The following SSBP3 variants were observed in gnomAD, a reference collection of about 807,000 sequenced individuals.
The protein encoded by SSBP3 is single-stranded DNA-binding protein 3.
Under a neutral mutation model 69.6 loss-of-function variants are expected in SSBP3, and 5 were observed. The observed-to-expected ratio is 0.07, with a 90% confidence interval of 0.04 to 0.15. The LOEUF is 0.15. Among genes scored for constraint, SSBP3 ranks in the 10% least tolerant of loss-of-function variants. SSBP3 has a pLI of 1.00. For missense variants in SSBP3, 312 were observed against 534.0 expected (o/e 0.58, Z 4.10); for synonymous variants, 196 against 193.4 (o/e 1.01, Z -0.11).
At chr1:54,314,216 G>T (rs565513150) in intron 4 of SSBP3, among the ~76,000 whole-genome samples, 1 of 152,338 alleles carries the variant, frequency 6.6e-6, no homozygotes, top group South Asian at 2.1e-4. Context: ...GGGGAGACAG[G>T]ATTACCTGAT....
intron 4 of SSBP3, among the ~76,000 whole-genome samples, chr1:54,293,437 GCCACC>G (rs1645644408): frequency 6.6e-6 from 1 of 152,152 alleles, no homozygotes; most frequent in African/African-American, 2.4e-5. Context: ...CCCTACTCAT[GCCACC>G]CATCGATATG....
chr1:54,346,747 G>A lies in SSBP3; in HGVS notation c.276+55114C>T, dbSNP rs571785451. 4.0e-4 allele frequency among the ~76,000 whole-genome samples: 60 copies of A among 151,558 alleles called. No homozygotes were observed. In the Middle Eastern group the frequency reaches 0.021, roughly 52 times the overall value. On this transcript the variant is annotated intron_variant, in intron 4 of 17. Transcript: ENST00000610401. Reference sequence around the variant, plus strand: ...GGAGAATGGCGTGAACCCGGGAGGCGGAGCTTGCAGTGAGCCGAGATTGCA... The same window carrying A: ...GGAGAATGGCGTGAACCCGGGAGGCAGAGCTTGCAGTGAGCCGAGATTGCA...
intron 4 of SSBP3, among the ~76,000 whole-genome samples, chr1:54,288,513 G>C (rs549059332): frequency 6.6e-6 from 1 of 150,864 alleles, no homozygotes; most frequent in African/African-American, 2.4e-5. Context: ...TGCCACCTGG[G>C]TATGACCCTG....
chr1:54,231,208 CATT>C (rs1167648261), intron 14 of SSBP3, among the ~76,000 whole-genome samples: 4 of 152,218 alleles, frequency 2.6e-5, no homozygotes, highest in African/African-American at 7.2e-5. Flanking sequence ...CAACACCAGT[CATT>C]ATCTTTTTTA....
rs374733760 is a variant in SSBP3 at position 54,242,257 on chromosome 1, A to T, written c.717-45T>A. 8 of 1,611,092 alleles carry T rather than the reference A, an allele frequency of 5.0e-6. No individual in the cohort carries two copies. In the African/African-American group the frequency reaches 9.3e-5, roughly 19 times the overall value. ...ATGTGGACAATGAAAAAGGCGCTGT[A>T]AACTCCAAGCGGTGGAGGCAGCAGG... On this transcript the variant is annotated intron_variant, in intron 10 of 17. Coordinates refer to ENST00000610401, the Ensembl canonical transcript of SSBP3.
At chr1:54,398,678 T>C (rs1486615165) in intron 4 of SSBP3, among the ~76,000 whole-genome samples, 3 of 152,224 alleles carry the variant, frequency 2.0e-5, no homozygotes, top group Non-Finnish European at 4.4e-5. Flanking sequence ...TGCTCTGGCC[T>C]GAGGGTAACA....
At chr1:54,366,139 C>T (rs1421110409) in intron 4 of SSBP3, among the ~76,000 whole-genome samples, 5 of 152,278 alleles carry the variant, frequency 3.3e-5, no homozygotes, top group Non-Finnish European at 5.9e-5. Flanking sequence ...GTTAACTGCT[C>T]CCCAGTGGAG....
intron 4 of SSBP3, among the ~76,000 whole-genome samples, chr1:54,388,391 C>CTT (rs1648240448): frequency 6.6e-6 from 1 of 152,220 alleles, no homozygotes; most frequent in South Asian, 2.1e-4. Flanking sequence ...CAGCCCCTAT[C>CTT]TTATAGAGTG....
chr1:54,404,814 G>T lies in SSBP3; in HGVS notation c.129+44C>A, dbSNP rs201081940. On this transcript the variant is annotated intron_variant, in intron 2 of 17. Transcript: ENST00000610401. ...ACAAAGGCTCTAAGAATAGTGGGGG[G>T]GGGGGGTGTCAAGAAATTGGATGCT... The T allele has an allele frequency of 1.4e-5, 15 of 1,057,490 alleles. No individual in the cohort carries two copies. In the Admixed American group the frequency reaches 2.8e-4, roughly 20 times the overall value. The allele number at this position is 1,057,490 out of a possible 1,614,324, so 65.5% of individuals were successfully genotyped here. A position where few individuals can be genotyped will look rare whatever the true frequency, so the allele number is the denominator to read the frequency against.
chr1:54,336,032 A>C (rs981074231), intron 4 of SSBP3, among the ~76,000 whole-genome samples: 1 of 152,204 alleles, frequency 6.6e-6, no homozygotes, highest in Non-Finnish European at 1.5e-5. Context: ...GCTTCGACCG[A>C]TTACTTAACC....
chr1:54,268,300 G>C (rs186666662), intron 5 of SSBP3, among the ~76,000 whole-genome samples: 1 of 152,346 alleles, frequency 6.6e-6, no homozygotes, highest in East Asian at 1.9e-4. Flanking sequence ...ACTTCTGCCC[G>C]CCGGCCTCCG....
At chr1:54,303,050 G>A (rs560655478) in intron 4 of SSBP3, among the ~76,000 whole-genome samples, 19 of 152,306 alleles carry the variant, frequency 1.2e-4, no homozygotes, top group South Asian at 4.1e-4. Context: ...CCAGGCTAGC[G>A]GTATTATATC....
intron 14 of SSBP3, among the ~76,000 whole-genome samples, chr1:54,233,432 C>A (rs1299930281): frequency 1.3e-5 from 2 of 151,268 alleles, no homozygotes; most frequent in Admixed American, 1.3e-4. Context: ...GGCAGCCACC[C>A]CATCTGGGAA....
chr1:54,405,947 G>T lies in SSBP3; in HGVS notation c.56+6C>A. On this transcript the variant is annotated splice_donor_region_variant and intron_variant, in intron 1 of 17. Transcript: ENST00000610401. The stretch of plus-strand genomic sequence containing the variant: ...GCGCGGCCGCCACTTGCAAAATAGG[G>T]CTTACTTTTCCCGAGCCTGCCCATC... 1 of 1,394,302 alleles carries T rather than the reference G, an allele frequency of 7.2e-7. No homozygotes were observed. Among genetic ancestry groups the T allele is most frequent in the Non-Finnish European group, 9.5e-7 (1 of 1,057,684 alleles). 86.4% of individuals were successfully genotyped at this position (1,394,302 alleles called of 1,614,324 possible).
chr1:54,278,612 C>T (rs1015279319), intron 5 of SSBP3, among the ~76,000 whole-genome samples: 1 of 152,340 alleles, frequency 6.6e-6, no homozygotes, highest in Middle Eastern at 3.4e-3. Context: ...TGCTCTCTCC[C>T]ACCCAACCCT....
chr1:54,353,542 C>T (rs1160073684), intron 4 of SSBP3, among the ~76,000 whole-genome samples: 1 of 152,164 alleles, frequency 6.6e-6, no homozygotes, highest in Non-Finnish European at 1.5e-5. Context: ...AAGATTTCTC[C>T]CAGAAGGGGA....
At chr1:54,285,861 T>C (rs151211576) in intron 4 of SSBP3, among the ~76,000 whole-genome samples, 1 of 152,288 alleles carries the variant, frequency 6.6e-6, no homozygotes, top group African/African-American at 2.4e-5. Context: ...ATTCAGAAGC[T>C]AGAGATCTCC....
At chr1:54,279,191 C>T (rs543391171) in intron 5 of SSBP3, among the ~76,000 whole-genome samples, 3 of 152,216 alleles carry the variant, frequency 2.0e-5, no homozygotes, top group South Asian at 4.1e-4. Flanking sequence ...CACGTCAGCT[C>T]TTGATGGCTC....
chr1:54,379,071 T>C (rs1647417820), intron 4 of SSBP3, among the ~76,000 whole-genome samples: 1 of 152,170 alleles, frequency 6.6e-6, no homozygotes, highest in Admixed American at 6.5e-5. Context: ...CAGGTTGCTT[T>C]TGATGGCTTC....
Sources: allele counts gnomAD v4.1 joint callset (sites outside exome capture counted in the v4.1 genomes callset), GRCh38; gene constraint gnomAD v4.1.1; transcripts MANE v1.5; gene names NCBI Gene and HGNC (gene_info 2026-07-23, HGNC 2026-07-21).